Variants in SPOCK1 observed in about 807,000 individuals in gnomAD.
The protein encoded by SPOCK1 is SPARC (osteonectin), cwcv and kazal like domains proteoglycan 1, also known as testican-1.
Under a neutral mutation model 55.3 loss-of-function variants are expected in SPOCK1, and 23 were observed. That is an observed-to-expected ratio of 0.42 (90% confidence interval 0.30 to 0.59). The LOEUF (loss-of-function observed/expected upper bound fraction) is 0.59. Ranked by LOEUF, SPOCK1 falls within the 20% of genes least tolerant of loss-of-function variation. The pLI is 0.22. For missense variants in SPOCK1, 499 were observed against 552.5 expected, an observed-to-expected ratio of 0.90 and a Z score of 0.97; for synonymous variants, 226 against 221.0, an observed-to-expected ratio of 1.02 and a Z score of -0.20.
intron 6 of SPOCK1, among the ~76,000 whole-genome samples, chr5:137,042,705 A>G (rs1752023069): frequency 6.6e-6 from 1 of 152,120 alleles, no homozygotes; most frequent in Non-Finnish European, 1.5e-5. Context: ...GTGGGAGCCA[A>G]GTTTCCTACT....
intron 2 of SPOCK1, among the ~76,000 whole-genome samples, chr5:137,334,329 A>G (rs1750191423): frequency 6.6e-6 from 1 of 152,136 alleles, no homozygotes; most frequent in Non-Finnish European, 1.5e-5. Context: ...GCCAAAAGGA[A>G]CTATATCATT....
intron 3 of SPOCK1, among the ~76,000 whole-genome samples, chr5:137,251,226 A>G (rs1756522987): frequency 6.6e-6 from 1 of 152,220 alleles, no homozygotes; most frequent in South Asian, 2.1e-4. Flanking sequence ...GAAAACGTAA[A>G]GTCCTCACCC....
At chr5:137,449,782 C>T (rs1753210526) in intron 2 of SPOCK1, among the ~76,000 whole-genome samples, 2 of 149,866 alleles carry the variant, frequency 1.3e-5, no homozygotes, top group East Asian at 2.0e-4. Flanking sequence ...GTAGTCCCAG[C>T]TACTAAGGAG....
At chr5:136,982,456 A>ACCATATCTGTTT (rs1204318590) in intron 9 of SPOCK1, among the ~76,000 whole-genome samples, 1 of 152,202 alleles carries the variant, frequency 6.6e-6, no homozygotes, top group Non-Finnish European at 1.5e-5. Flanking sequence ...TATTTCTGCC[A>ACCATATCTGTTT]CCATATCTGT....
chr5:137,131,882 G>A (rs1489211511), intron 4 of SPOCK1, among the ~76,000 whole-genome samples: 20 of 134,728 alleles, frequency 1.5e-4, no homozygotes, highest in East Asian at 2.2e-4. Context: ...TGAGGCAGGA[G>A]AATGGCGTGA....
chr5:137,348,472 G>T (rs1305706589), intron 2 of SPOCK1, among the ~76,000 whole-genome samples: 2 of 151,690 alleles, frequency 1.3e-5, no homozygotes, highest in African/African-American at 2.4e-5. Context: ...TCCCAGAGGG[G>T]TGGGGGTGGG....
intron 2 of SPOCK1, among the ~76,000 whole-genome samples, chr5:137,390,838 T>TGG (rs368610070): frequency 7.2e-5 from 11 of 152,030 alleles, no homozygotes; most frequent in African/African-American, 2.4e-4. Flanking sequence ...GAGTAGCTGG[T>TGG]GGGGGGGTGT....
chr5:137,129,683 A>C (rs1753838858), intron 4 of SPOCK1, among the ~76,000 whole-genome samples: 1 of 152,202 alleles, frequency 6.6e-6, no homozygotes, highest in Non-Finnish European at 1.5e-5. Context: ...GCAGGTCTGA[A>C]GATATCTCAA....
chr5:137,490,038 C>T (rs1412812637), intron 2 of SPOCK1, among the ~76,000 whole-genome samples: 1 of 152,220 alleles, frequency 6.6e-6, no homozygotes, highest in Non-Finnish European at 1.5e-5. Flanking sequence ...CATACTAGAC[C>T]ATAAATGCCA....
intron 2 of SPOCK1, among the ~76,000 whole-genome samples, chr5:137,472,244 A>T (rs1753750991): frequency 6.6e-6 from 1 of 152,148 alleles, no homozygotes; most frequent in Admixed American, 6.5e-5. Context: ...CCAGAGACAG[A>T]GTTTCTGGTC....
At chr5:137,430,136 A>G (rs910732169) in intron 2 of SPOCK1, among the ~76,000 whole-genome samples, 1 of 152,260 alleles carries the variant, frequency 6.6e-6, no homozygotes, top group Non-Finnish European at 1.5e-5. Context: ...CTTACTACAC[A>G]GAGGTGTGTT....
rs1456664665 is a variant in SPOCK1 at position 137,155,779 on chromosome 5, GACAA to G, written c.233-15089_233-15086del. 5.9e-5 allele frequency among the ~76,000 whole-genome samples: 9 copies of G among 152,160 alleles called. No homozygotes were observed. In the East Asian group the frequency reaches 1.2e-3, roughly 20 times the overall value. On this transcript the variant is annotated intron_variant, in intron 3 of 10. Transcript: ENST00000394945. ...ATCTCCCTGGCATGTTCCTTTCTCT[GACAA>G]ACAAAGGCTCTGTCTGGTCTCTTTG... is the stretch of plus-strand genomic sequence containing the variant.
At chr5:137,283,197 T>C (rs1014112516) in intron 2 of SPOCK1, among the ~76,000 whole-genome samples, 1 of 152,184 alleles carries the variant, frequency 6.6e-6, no homozygotes, top group African/African-American at 2.4e-5. Context: ...ACTCTACCCC[T>C]TTTGCCTCTA....
At chr5:137,096,359 T>C (rs1159142438) in intron 5 of SPOCK1, among the ~76,000 whole-genome samples, 7 of 151,240 alleles carry the variant, frequency 4.6e-5, no homozygotes, top group Non-Finnish European at 1.0e-4. Flanking sequence ...AGTGAGGTAC[T>C]TGGGAGATGG....
chr5:137,349,750 C>T (rs1750635715), intron 2 of SPOCK1, among the ~76,000 whole-genome samples: 1 of 152,130 alleles, frequency 6.6e-6, no homozygotes, highest in Non-Finnish European at 1.5e-5. Context: ...ATGGTGTTCT[C>T]TCTGTGTCTT....
intron 5 of SPOCK1, among the ~76,000 whole-genome samples, chr5:137,087,530 G>T (rs1752980084): frequency 6.6e-6 from 1 of 152,224 alleles, no homozygotes; most frequent in Non-Finnish European, 1.5e-5. Context: ...CACTAAAAGA[G>T]CTACCTCCAC....
rs1754073504 is a variant in SPOCK1, at chr5:137,140,496, T to G, written c.347+84A>C. On this transcript the variant is annotated intron_variant, in intron 4 of 10. Transcript: ENST00000394945. ...AACACTATGCTCTCCCCTCCCCATA[T>G]CCCCACGTCAAAGACTGGAAACCCT... 3.5e-6 allele frequency: 4 copies of G among 1,140,762 alleles called. No individual in the cohort carries two copies. In the Admixed American group the frequency reaches 9.3e-5, roughly 26 times the overall value. The allele number at this position is 1,140,762 out of a possible 1,614,324, so 70.7% of individuals were successfully genotyped here. A position where few individuals can be genotyped will look rare whatever the true frequency, so the allele number is the denominator to read the frequency against.
intron 3 of SPOCK1, among the ~76,000 whole-genome samples, chr5:137,173,404 TTC>T (rs1229129247): frequency 6.6e-6 from 1 of 152,200 alleles, no homozygotes; most frequent in Non-Finnish European, 1.5e-5. Flanking sequence ...CAGAGTTGGC[TTC>T]TGTTTCTTGC....
chr5:136,982,059 C>A (rs1428204620), intron 9 of SPOCK1, among the ~76,000 whole-genome samples: 2 of 152,136 alleles, frequency 1.3e-5, no homozygotes, highest in African/African-American at 4.8e-5. Flanking sequence ...AAATGGTGTA[C>A]AGGTTTATAC....
Sources: allele counts gnomAD v4.1 joint callset (sites outside exome capture counted in the v4.1 genomes callset), GRCh38; gene constraint gnomAD v4.1.1; transcripts MANE v1.5; gene names NCBI Gene and HGNC (gene_info 2026-07-23, HGNC 2026-07-21).